AACS: variants seen among roughly 807,000 people sequenced by gnomAD.
The protein encoded by AACS is acetoacetyl-CoA synthetase.
AACS carries 69 observed loss-of-function variants against 83.1 expected under a neutral mutation model. The ratio of observed to expected loss-of-function variants is 0.83; its 90% CI spans 0.68 to 1.01. AACS has a LOEUF of 1.01. Among genes scored for constraint, AACS ranks in the 50% least tolerant of loss-of-function variants. The probability of loss-of-function intolerance (pLI) is 0.00; values close to 1 mark genes in which losing one functional copy is unlikely to be tolerated. For missense variants in AACS, 866 were observed against 882.2 expected (o/e 0.98, Z 0.23); for synonymous variants, 333 against 343.4 (o/e 0.97, Z 0.33).
chr12:125,095,044 A>T (rs1049982062), intron 5 of AACS, among the ~76,000 whole-genome samples: 2 of 150,928 alleles, frequency 1.3e-5, no homozygotes, highest in African/African-American at 2.4e-5. Flanking sequence ...TAAATAGGAC[A>T]GCCATTCTCG....
At chr12:125,076,443 A>G (rs777141546) in intron 2 of AACS, 48 bp from the exon 3 acceptor site, 1 of 1,602,202 alleles carries the variant, frequency 6.2e-7, no homozygotes, top group Admixed American at 1.7e-5. Context: ...GCTGATCTGT[A>G]GCGTAGTCTC....
chr12:125,100,684 C>T (rs888913780), intron 5 of AACS, among the ~76,000 whole-genome samples: 1 of 152,166 alleles, frequency 6.6e-6, no homozygotes, highest in African/African-American at 2.4e-5. Context: ...CTGGTGAGAA[C>T]AGATTGCTGG....
chr12:125,099,250 C>T (rs1956672098), intron 5 of AACS, among the ~76,000 whole-genome samples: 1 of 152,168 alleles, frequency 6.6e-6, no homozygotes, highest in Non-Finnish European at 1.5e-5. Flanking sequence ...TCCTGTCTTT[C>T]TCCGACTTCT....
chr12:125,107,016 C>T lies in AACS; in HGVS notation c.768-105C>T. ...GGCCACCGTCCCCCTGGAATCCTGG[C>T]TTTTCTGGGGGTAGAAACAGAGGGA... On this transcript the variant is annotated intron_variant, in intron 7 of 17. Transcript: ENST00000316519. The T allele has an allele frequency of 3.3e-6, 5 of 1,528,634 alleles. No individual in the cohort carries two copies. The South Asian group carries it at 6.1e-5, about 19-fold the overall frequency. The allele number at this position is 1,528,634 out of a possible 1,614,324, so 94.7% of individuals were successfully genotyped here.
At chr12:125,078,896 C>CG (rs140351804) in intron 3 of AACS, among the ~76,000 whole-genome samples, 2,458 of 150,002 alleles carry the variant, frequency 0.016, 74 homozygotes, top group African/African-American at 0.056. Flanking sequence ...GCTGATGTTC[C>CG]GGGGGGCAAA....
chr12:125,134,050 G>T lies in AACS; in HGVS notation c.1597G>T (p.Gly533Cys). The T allele has an allele frequency of 1.2e-6, 2 of 1,614,082 alleles. No homozygotes were observed. The highest frequency in any genetic ancestry group is 1.7e-6 in the Non-Finnish European group (2 of 1,180,002). The change falls in exon 15 of 18, where the codon GGC becomes TGC. Residue 533 changes from glycine (G) to cysteine (C), a missense_variant. Transcript: ENST00000316519. The part of the protein sequence containing the change: ...DYCRINPKTG[G>C]IVMLGRSDGT... Reference sequence around the variant, plus strand: ...CTGCAGAATCAACCCCAAGACCGGGGGCATCGTCATGCTTGGCCGGAGGTA... The same window carrying T: ...CTGCAGAATCAACCCCAAGACCGGGTGCATCGTCATGCTTGGCCGGAGGTA...
intron 2 of AACS, among the ~76,000 whole-genome samples, chr12:125,074,660 G>GTTTT (rs869194296): frequency 2.0e-4 from 25 of 122,158 alleles, no homozygotes; most frequent in Middle Eastern, 4.5e-3. Context: ...CATTGTTGTA[G>GTTTT]TTTTTTTTTT....
intron 8 of AACS, among the ~76,000 whole-genome samples, chr12:125,111,064 G>C (rs780994241): frequency 4.6e-5 from 7 of 152,192 alleles, no homozygotes; most frequent in South Asian, 2.1e-4. Context: ...GGTCAGGGGT[G>C]GGGGGCAAAG....
At chr12:125,091,335 C>A in intron 4 of AACS, 91 bp from the exon 5 acceptor site, 1 of 1,342,210 alleles carries the variant, frequency 7.5e-7, no homozygotes, top group Non-Finnish European at 1.1e-6. Flanking sequence ...CCCCTTCCCA[C>A]TCTGACCTTG....
At chr12:125,068,196 C>T (rs1482580948) in intron 1 of AACS, among the ~76,000 whole-genome samples, 1 of 152,302 alleles carries the variant, frequency 6.6e-6, no homozygotes, top group East Asian at 1.9e-4. Context: ...GTGGCTCACA[C>T]CTGTAATCCT....
intron 5 of AACS, chr12:125,092,400 T>A (rs1382881492): frequency 6.6e-6 from 1 of 152,246 alleles, no homozygotes; most frequent in Admixed American, 6.5e-5. Context: ...TGTCCACAGG[T>A]GAGGCTTTTG....
intron 4 of AACS, among the ~76,000 whole-genome samples, chr12:125,090,062 CCATCTATCCATCCACT>C (rs1234081081): frequency 3.5e-5 from 5 of 142,950 alleles, no homozygotes; most frequent in South Asian, 4.6e-4. Flanking sequence ...CATCCCTCAT[CCATCTATCCATCCACT>C]CATCTATCCT....
Position 125,142,260 on chromosome 12 carries a change from A to G in AACS, c.*31A>G. ...ACTGGCTGGCGTGTCACTCAGCCGC[A>G]CCCGTGTGCACTGTAACTTTTGTGT... On this transcript the variant is annotated 3_prime_UTR_variant, in exon 18 of 18. Transcript: ENST00000316519. 6.2e-7 allele frequency: 1 copy of G among 1,602,750 alleles called. No homozygotes were observed. The highest frequency in any genetic ancestry group is 8.5e-7 in the Non-Finnish European group (1 of 1,173,490).
In AACS at chr12:125,114,573, G is replaced by A; in HGVS notation, c.996+16G>A. On this transcript the variant is annotated intron_variant, in intron 9 of 17. Transcript: ENST00000316519. Reference sequence around the variant, plus strand: ...CTACACCACGGTAAGGGCTTCCCCAGGTGCTGGCCTGTGCTATACCACAAT... The same window carrying A: ...CTACACCACGGTAAGGGCTTCCCCAAGTGCTGGCCTGTGCTATACCACAAT... The A allele has an allele frequency of 6.2e-7, 1 of 1,610,572 alleles. No homozygotes were observed. The highest frequency in any genetic ancestry group is 8.5e-7 in the Non-Finnish European group (1 of 1,178,396).
chr12:125,136,985 A>AG, intron 17 of AACS, 121 bp downstream of exon 17: 7 of 978,586 alleles, frequency 7.2e-6, no homozygotes, highest in Middle Eastern at 2.7e-4. Flanking sequence ...CACGTTGCCT[A>AG]GCAACGCCAT....
chr12:125,115,502 C>T (rs992015195), intron 9 of AACS, among the ~76,000 whole-genome samples: 11 of 152,210 alleles, frequency 7.2e-5, no homozygotes, highest in African/African-American at 2.4e-4. Context: ...CCTTGTGGTC[C>T]GCCCGCCTCA....
At chr12:125,086,789 G>C (rs1956349126) in intron 4 of AACS, among the ~76,000 whole-genome samples, 4 of 151,344 alleles carry the variant, frequency 2.6e-5, no homozygotes, top group Admixed American at 2.0e-4. Flanking sequence ...ATTCAGTATG[G>C]GCTTGCTGGA....
At chr12:125,141,964 G>A in intron 17 of AACS, 128 bp from the exon 18 acceptor site, 3 of 1,180,126 alleles carry the variant, frequency 2.5e-6, no homozygotes, top group Non-Finnish European at 3.6e-6. Flanking sequence ...GGGCATCTTA[G>A]AGCCGAGACC....
intron 10 of AACS, chr12:125,123,122 A>G (rs1957182712): frequency 6.6e-6 from 1 of 152,126 alleles, no homozygotes; most frequent in African/African-American, 2.4e-5. Flanking sequence ...CTGCACTTAG[A>G]CGCACTTTAG....
Sources: gnomAD v4.1 joint callset for allele counts (sites outside exome capture counted in the v4.1 genomes callset) on GRCh38, gnomAD v4.1.1 for gene constraint, MANE v1.5 for transcripts, NCBI Gene and HGNC (gene_info 2026-07-23, HGNC 2026-07-21) for gene names.